The following SCFD2 variants were observed in gnomAD, a reference collection of about 807,000 sequenced individuals.
SCFD2 encodes the protein sec1 family domain-containing protein 2.
SCFD2 carries 54 observed loss-of-function variants against 58.9 expected under a neutral mutation model. The observed-to-expected ratio is 0.92, with a 90% CI of 0.74 to 1.15. The LOEUF (loss-of-function observed/expected upper bound fraction) is 1.15. Among genes scored for constraint, SCFD2 ranks in the 50% most tolerant of loss-of-function variants. The pLI is 0.00. For missense variants in SCFD2, 805 were observed against 836.6 expected (o/e 0.96, Z 0.47); for synonymous variants, 321 against 335.9 (o/e 0.96, Z 0.49).
chr4:53,001,632 T>C (rs2148800894), intron 5 of SCFD2, among the ~76,000 whole-genome samples: 1 of 152,336 alleles, frequency 6.6e-6, no homozygotes, highest in South Asian at 2.1e-4. Context: ...AACAGTGAAA[T>C]AGGTGTATAG....
chr4:53,246,992 T>A (rs1184093083), intron 4 of SCFD2, among the ~76,000 whole-genome samples: 7 of 132,818 alleles, frequency 5.3e-5, no homozygotes, highest in African/African-American at 8.5e-5. Context: ...ACTTAAAAAA[T>A]TTACAAAAAA....
intron 4 of SCFD2, among the ~76,000 whole-genome samples, chr4:53,197,743 A>T (rs1305398710): frequency 9.6e-6 from 1 of 104,440 alleles, no homozygotes; most frequent in Non-Finnish European, 2.0e-5. Context: ...ACATTAGAAG[A>T]TGGCAAAAAA....
Position 52,904,476 on chromosome 4 carries a change from G to A in SCFD2, c.1842+2981C>T, listed in dbSNP as rs1228107892. ...CACAATGAAGATGCAATGTGTACACGCAACTCAACTCTAATGCACACATTT... is the reference window on the plus strand; with the variant it reads ...CACAATGAAGATGCAATGTGTACACACAACTCAACTCTAATGCACACATTT... On this transcript the variant is annotated intron_variant, in intron 7 of 8. Coordinates refer to ENST00000401642, the MANE Select transcript of SCFD2 (RefSeq NM_152540.4). Among the ~76,000 whole-genome samples the A allele has an allele frequency of 3.9e-5, 6 of 152,140 alleles. No individual in the cohort carries two copies. In the South Asian group the frequency reaches 1.0e-3, roughly 26 times the overall value.
At chr4:53,319,171 A>G (rs940062549) in intron 2 of SCFD2, among the ~76,000 whole-genome samples, 8 of 152,210 alleles carry the variant, frequency 5.3e-5, no homozygotes, top group Non-Finnish European at 1.2e-4. Flanking sequence ...AAAGGACAGG[A>G]TGGAATGGAG....
chr4:52,921,252 A>G (rs1719728453), intron 5 of SCFD2, among the ~76,000 whole-genome samples: 1 of 152,190 alleles, frequency 6.6e-6, no homozygotes, highest in South Asian at 2.1e-4. Flanking sequence ...GTTATGATCA[A>G]ACTCACTTGC....
At chr4:52,933,954 T>A (rs1172713877) in intron 5 of SCFD2, among the ~76,000 whole-genome samples, 2 of 152,212 alleles carry the variant, frequency 1.3e-5, no homozygotes, top group Non-Finnish European at 2.9e-5. Flanking sequence ...TTTCTCCTGC[T>A]GTGGGATGGT....
intron 4 of SCFD2, among the ~76,000 whole-genome samples, chr4:53,225,042 T>A (rs12507228): frequency 0.081 from 12,292 of 152,206 alleles, 738 homozygotes; most frequent in East Asian, 0.24. Context: ...CTGTAAAACA[T>A]CTAGGTTGTT....
At chr4:53,089,287 C>G (rs1273040404) in intron 5 of SCFD2, among the ~76,000 whole-genome samples, 1 of 152,188 alleles carries the variant, frequency 6.6e-6, no homozygotes, top group Non-Finnish European at 1.5e-5. Flanking sequence ...GAATACTAGA[C>G]TGTTACCTGA....
chr4:53,152,312 C>T (rs1461630587), intron 4 of SCFD2, among the ~76,000 whole-genome samples: 2 of 151,382 alleles, frequency 1.3e-5, no homozygotes, highest in African/African-American at 4.9e-5. Context: ...AAAATGCAAG[C>T]TAAATTCACA....
chr4:53,217,143 C>G (rs1577854281), intron 4 of SCFD2, among the ~76,000 whole-genome samples: 3 of 152,242 alleles, frequency 2.0e-5, no homozygotes, highest in Non-Finnish European at 4.4e-5. Flanking sequence ...GTGGAGAGTT[C>G]TGTAGATTTC....
At chr4:53,311,297 T>C (rs1316886345) in intron 3 of SCFD2, among the ~76,000 whole-genome samples, 1 of 152,148 alleles carries the variant, frequency 6.6e-6, no homozygotes, top group East Asian at 1.9e-4. Flanking sequence ...TTTTTCCTTC[T>C]TTCTTCCTCC....
chr4:52,944,260 G>A (rs909614181), intron 5 of SCFD2, among the ~76,000 whole-genome samples: 1 of 152,056 alleles, frequency 6.6e-6, no homozygotes, highest in Non-Finnish European at 1.5e-5. Context: ...TATCTCATTT[G>A]TCAAAAGATT....
At chr4:53,298,845 G>A (rs1194862837) in intron 3 of SCFD2, among the ~76,000 whole-genome samples, 1 of 152,182 alleles carries the variant, frequency 6.6e-6, no homozygotes, top group Non-Finnish European at 1.5e-5. Context: ...GGTCTGGAGT[G>A]GACCTCCAGT....
intron 4 of SCFD2, among the ~76,000 whole-genome samples, chr4:53,235,316 A>C (rs1246275959): frequency 6.6e-6 from 1 of 152,170 alleles, no homozygotes; most frequent in Non-Finnish European, 1.5e-5. Context: ...ATCTCTCCAG[A>C]CTCTGGTAAA....
chr4:52,895,634 G>A (rs1266222565), intron 7 of SCFD2, among the ~76,000 whole-genome samples: 9 of 152,128 alleles, frequency 5.9e-5, no homozygotes, highest in African/African-American at 1.9e-4. Context: ...ATAAACACAC[G>A]TGTGCATGTG....
intron 4 of SCFD2, among the ~76,000 whole-genome samples, chr4:53,155,485 G>A (rs1726652348): frequency 6.6e-6 from 1 of 152,200 alleles, no homozygotes; most frequent in Non-Finnish European, 1.5e-5. Context: ...ATTTCTAGTT[G>A]TTATAAATTA....
At chr4:53,257,460 T>C (rs967033042) in intron 4 of SCFD2, among the ~76,000 whole-genome samples, 16 of 152,188 alleles carry the variant, frequency 1.1e-4, no homozygotes, top group Non-Finnish European at 1.8e-4. Context: ...GAGCCACTTC[T>C]TATTCCATCA....
At chr4:52,931,924 G>C (rs1470085060) in intron 5 of SCFD2, among the ~76,000 whole-genome samples, 1 of 152,164 alleles carries the variant, frequency 6.6e-6, no homozygotes, top group African/African-American at 2.4e-5. Flanking sequence ...GTGGCTGTAT[G>C]TGTGGGACGG....
intron 5 of SCFD2, among the ~76,000 whole-genome samples, chr4:52,947,968 C>CAAAAAAAAAAAAAAAAAAAAAAAAAGAAA (rs34494471): frequency 2.8e-5 from 1 of 35,214 alleles, no homozygotes. Context: ...AAAAATAGGC[C>CAAAAAAAAAAAAAAAAAAAAAAAAAGAAA]AAAAAAAAAA....
Sources: gnomAD v4.1 joint callset for allele counts (sites outside exome capture counted in the v4.1 genomes callset) on GRCh38, gnomAD v4.1.1 for gene constraint, MANE v1.5 for transcripts, NCBI Gene and HGNC (gene_info 2026-07-23, HGNC 2026-07-21) for gene names.